Variants in FARP1 observed in about 807,000 individuals in gnomAD.
FARP1 encodes the protein FERM, ARH/RhoGEF and pleckstrin domain protein 1, also known as FERM, ARHGEF and pleckstrin domain-containing protein 1.
A neutral mutation model predicts 128.8 loss-of-function variants in FARP1; 52 were observed. The ratio of observed to expected loss-of-function variants is 0.40; its 90% CI spans 0.32 to 0.51. FARP1 has a LOEUF of 0.51. FARP1 is among the 20% of genes least tolerant of loss of function. FARP1 has a pLI of 0.45. For synonymous variants in FARP1, 580 were observed against 551.8 expected (o/e 1.05, Z -0.72); for missense variants, 1,333 against 1,367.9 (o/e 0.97, Z 0.40).
chr13:98,395,279 G>A lies in FARP1; in HGVS notation c.1217G>A (p.Gly406Asp). 2 of 1,609,104 alleles carry A rather than the reference G, an allele frequency of 1.2e-6. No homozygotes were observed. Among genetic ancestry groups the A allele is most frequent in the Non-Finnish European group, 8.5e-7 (1 of 1,176,182 alleles). Residue 406 changes from glycine (G) to aspartate (D), a missense_variant, in exon 13 of 27, where the codon GGC (glycine) becomes GAC (aspartate). Gly to Asp is a moderately conservative substitution (Grantham distance 94). Transcript: ENST00000319562. ...GGAGAAGGTGCCGAATCTCCAGGGG[G>A]CCAGAGCTGCCGGCGAGGAAAGGAA... ...TFGEGAESPG[G>D]QSCRRGKEPK...
chr13:98,297,884 C>G (rs1298189749), intron 2 of FARP1, among the ~76,000 whole-genome samples: 7 of 152,154 alleles, frequency 4.6e-5, no homozygotes, highest in African/African-American at 1.7e-4. Context: ...AGTTCCTTGT[C>G]ATGTTACATG....
chr13:98,155,269 C>T (rs561951022), intron 1 of FARP1, among the ~76,000 whole-genome samples: 31 of 146,622 alleles, frequency 2.1e-4, no homozygotes, highest in Non-Finnish European at 2.8e-4. Context: ...TGGCTTGAAC[C>T]GGGAGGCAGA....
intron 3 of FARP1, among the ~76,000 whole-genome samples, chr13:98,349,672 GAAAA>G (rs56376512): frequency 7.5e-4 from 45 of 59,860 alleles, no homozygotes; most frequent in Non-Finnish European, 9.2e-4. Flanking sequence ...CCATCTCAGG[GAAAA>G]AAAAAAAAAA....
At position 98,180,653 on chromosome 13, in the gene FARP1, C is replaced by T. The variant is rs1385694457; in HGVS notation, c.-23-32567C>T. ...TGAGATTTTTCAGCTCACTTTATTT[C>T]TTCTAAAATATTATTGATGTTCTTG... On this transcript the variant is annotated intron_variant, in intron 1 of 26. Transcript: ENST00000319562. 2.0e-5 allele frequency among the ~76,000 whole-genome samples: 3 copies of T among 152,162 alleles called. No individual in the cohort carries two copies. In the East Asian group the frequency reaches 5.8e-4, roughly 29 times the overall value.
intron 1 of FARP1, among the ~76,000 whole-genome samples, chr13:98,208,105 C>T (rs1880404383): frequency 6.6e-6 from 1 of 151,988 alleles, no homozygotes; most frequent in Admixed American, 6.6e-5. Context: ...GATCACACAA[C>T]CAAACAGATT....
At position 98,194,369 on chromosome 13, in the gene FARP1, G is replaced by A. The variant is rs1190467996; in HGVS notation, c.-23-18851G>A. ...TGACCTCAGGTGATCCACCCGCCTCGGCCTCCCAAAGTGCTGGGATTACAG... is the reference window on the plus strand; with the variant it reads ...TGACCTCAGGTGATCCACCCGCCTCAGCCTCCCAAAGTGCTGGGATTACAG... On this transcript the variant is annotated intron_variant, in intron 1 of 26. Coordinates refer to ENST00000319562, the MANE Select transcript of FARP1 (RefSeq NM_005766.4). 2.0e-5 allele frequency among the ~76,000 whole-genome samples: 3 copies of A among 152,212 alleles called. No individual in the cohort carries two copies. The East Asian group carries it at 5.8e-4, about 29-fold the overall frequency.
At chr13:98,211,740 C>G (rs1340624005) in intron 1 of FARP1, among the ~76,000 whole-genome samples, 1 of 152,178 alleles carries the variant, frequency 6.6e-6, no homozygotes, top group Non-Finnish European at 1.5e-5. Context: ...GGAAGGCTTC[C>G]CTCTCTTTTA....
At chr13:98,425,145 C>CA (rs1891733786) in intron 17 of FARP1, among the ~76,000 whole-genome samples, 1 of 150,330 alleles carries the variant, frequency 6.7e-6, no homozygotes, top group Non-Finnish European at 1.5e-5. Flanking sequence ...TTTTTTGTTT[C>CA]AAAAGTTTTG....
intron 2 of FARP1, among the ~76,000 whole-genome samples, chr13:98,326,482 CT>C (rs1887239022): frequency 2.0e-5 from 3 of 152,214 alleles, no homozygotes; most frequent in African/African-American, 4.8e-5. Context: ...CCCTTGGCCC[CT>C]GGTAAGCACC....
intron 2 of FARP1, among the ~76,000 whole-genome samples, chr13:98,296,338 C>T (rs1031073654): frequency 6.6e-6 from 1 of 152,158 alleles, no homozygotes; most frequent in African/African-American, 2.4e-5. Context: ...TGCGCACACT[C>T]TCCTTTCTGC....
intron 2 of FARP1, among the ~76,000 whole-genome samples, chr13:98,299,359 A>G (rs561423147): frequency 4.6e-5 from 7 of 152,208 alleles, no homozygotes; most frequent in Non-Finnish European, 1.0e-4. Context: ...TTACCAGCCA[A>G]GAGACATAAA....
intron 2 of FARP1, among the ~76,000 whole-genome samples, chr13:98,290,462 G>A (rs1385710319): frequency 6.6e-6 from 1 of 152,022 alleles, no homozygotes; most frequent in Non-Finnish European, 1.5e-5. Context: ...CAAAGGCCCT[G>A]AGGTAGAGAG....
chr13:98,448,215 A>G, intron 26 of FARP1, 21 bp from the exon 27 acceptor site: 1 of 1,607,536 alleles, frequency 6.2e-7, no homozygotes. Flanking sequence ...AGGTTGACTA[A>G]CTGGCGTTCC....
chr13:98,408,691 T>G (rs548564221), intron 13 of FARP1, among the ~76,000 whole-genome samples: 18 of 152,324 alleles, frequency 1.2e-4, no homozygotes, highest in Admixed American at 1.2e-3. Flanking sequence ...ACTTTTATCT[T>G]ATAAAGGGAA....
At chr13:98,443,331 CT>C (rs1218739356) in intron 24 of FARP1, among the ~76,000 whole-genome samples, 5 of 152,206 alleles carry the variant, frequency 3.3e-5, no homozygotes, top group Non-Finnish European at 7.3e-5. Flanking sequence ...ACCTGGGCTG[CT>C]CTATCACTTT....
At chr13:98,223,407 C>A (rs1360825061) in intron 2 of FARP1, among the ~76,000 whole-genome samples, 1 of 152,212 alleles carries the variant, frequency 6.6e-6, no homozygotes, top group Admixed American at 6.5e-5. Flanking sequence ...CTCACTGCAA[C>A]CTCCGCCTCC....
Position 98,246,227 on chromosome 13 carries a change from C to T in FARP1, c.171+32814C>T, listed in dbSNP as rs1466402772. 7.4e-5 allele frequency among the ~76,000 whole-genome samples: 11 copies of T among 148,844 alleles called. No individual in the cohort carries two copies. The East Asian group carries it at 2.2e-3, about 30-fold the overall frequency. On this transcript the variant is annotated intron_variant, in intron 2 of 26. Transcript: ENST00000319562. ...TCTCCTGCCTCAGCCTCCCGAGTAGCTAGGACTACAGGCGCCCGCCACCTC... is the reference window on the plus strand; with the variant it reads ...TCTCCTGCCTCAGCCTCCCGAGTAGTTAGGACTACAGGCGCCCGCCACCTC...
In FARP1 at chr13:98,161,594, A is replaced by C. The variant is rs1341650557; in HGVS notation, c.-24+18102A>C. On this transcript the variant is annotated intron_variant, in intron 1 of 26. Coordinates refer to ENST00000319562, the MANE Select transcript of FARP1 (RefSeq NM_005766.4). ...ATTTCCTGTTGACCTTTCTCTGAGG[A>C]ATGTGGCTGAGTTCACATGATGGGA... is the stretch of plus-strand genomic sequence containing the variant. 3.9e-5 allele frequency among the ~76,000 whole-genome samples: 6 copies of C among 152,104 alleles called. No individual in the cohort carries two copies. The South Asian group carries it at 1.0e-3, about 26-fold the overall frequency.
chr13:98,390,988 C>G, intron 11 of FARP1, 108 bp downstream of exon 11: 1 of 777,032 alleles, frequency 1.3e-6, no homozygotes, highest in South Asian at 1.6e-5. Context: ...CTTGATGTCC[C>G]TTGAGTTGTA....
Sources: allele counts gnomAD v4.1 joint callset (sites outside exome capture counted in the v4.1 genomes callset), GRCh38; gene constraint gnomAD v4.1.1; transcripts MANE v1.5; gene names NCBI Gene and HGNC (gene_info 2026-07-23, HGNC 2026-07-21).